DHRS7B: variants seen among roughly 807,000 people sequenced by gnomAD.
DHRS7B encodes the protein dehydrogenase/reductase 7B.
Under a neutral mutation model 26.4 loss-of-function variants are expected in DHRS7B, and 24 were observed. The ratio of observed to expected loss-of-function variants is 0.91; its 90% confidence interval spans 0.66 to 1.28. The LOEUF is 1.28. Ranked by LOEUF, DHRS7B falls within the 50% of genes most tolerant of loss-of-function variation. DHRS7B has a pLI of 0.00. For synonymous variants in DHRS7B, 142 were observed against 166.4 expected (o/e 0.85, Z 1.13); for missense variants, 368 against 419.4 (o/e 0.88, Z 1.07).
At chr17:21,161,260 A>AG in intron 1 of DHRS7B, among the ~76,000 whole-genome samples, 1 of 152,270 alleles carries the variant, frequency 6.6e-6, no homozygotes, top group African/African-American at 2.4e-5. Flanking sequence ...AACACCGGTG[A>AG]GGGATGTGGA....
intron 1 of DHRS7B, among the ~76,000 whole-genome samples, chr17:21,167,303 C>T (rs544679142): frequency 1.2e-4 from 19 of 152,234 alleles, no homozygotes; most frequent in African/African-American, 3.1e-4. Context: ...TCTGGCTGCC[C>T]GGGCCCAAGG....
At chr17:21,146,792 T>C (rs981785462) in intron 1 of DHRS7B, among the ~76,000 whole-genome samples, 5 of 152,228 alleles carry the variant, frequency 3.3e-5, no homozygotes, top group African/African-American at 1.2e-4. Flanking sequence ...GAAGATGTGG[T>C]TGGACAACTA....
chr17:21,164,371 T>C (rs1974065564), intron 1 of DHRS7B, among the ~76,000 whole-genome samples: 1 of 152,132 alleles, frequency 6.6e-6, no homozygotes, highest in Admixed American at 6.5e-5. Context: ...TGTAGATAGT[T>C]CCTCTTAGAT....
chr17:21,141,195 A>G (rs1443607003), intron 1 of DHRS7B, among the ~76,000 whole-genome samples: 1 of 151,934 alleles, frequency 6.6e-6, no homozygotes, highest in East Asian at 1.9e-4. Context: ...ACCCCCAGAC[A>G]CCCCCAGGAG....
intron 1 of DHRS7B, among the ~76,000 whole-genome samples, chr17:21,144,382 G>A (rs527755590): frequency 6.4e-4 from 97 of 152,136 alleles, no homozygotes; most frequent in Non-Finnish European, 1.2e-3. Flanking sequence ...CTCCAAATAA[G>A]TTGCTCCAAC....
At chr17:21,178,911 C>T (rs1284375688) in intron 3 of DHRS7B, among the ~76,000 whole-genome samples, 1 of 152,002 alleles carries the variant, frequency 6.6e-6, no homozygotes, top group Non-Finnish European at 1.5e-5. Flanking sequence ...CCTCAGCCTC[C>T]CAAAGTGCTG....
chr17:21,190,181 A>T (rs1212406919), intron 6 of DHRS7B, among the ~76,000 whole-genome samples: 1 of 151,566 alleles, frequency 6.6e-6, no homozygotes, highest in Non-Finnish European at 1.5e-5. Context: ...AAAAAAAAAA[A>T]GTGGTTTCAC....
chr17:21,156,889 T>C (rs1469747771), intron 1 of DHRS7B, among the ~76,000 whole-genome samples: 1 of 139,800 alleles, frequency 7.2e-6, no homozygotes, highest in East Asian at 2.0e-4. Context: ...CCAGCTAGGG[T>C]GACAAAAACA....
At position 21,168,661 on chromosome 17, in the gene DHRS7B, G is replaced by T. The variant is rs573715541; in HGVS notation, c.21-3357G>T. The T allele has an allele frequency of 1.4e-3, 1,311 of 959,470 alleles. 1 individual carries two copies. Among genetic ancestry groups the T allele is most frequent in the Non-Finnish European group, 1.5e-3 (1,243 of 806,376 alleles). 59.4% of individuals were successfully genotyped at this position (959,470 alleles called of 1,614,324 possible). A position where few individuals can be genotyped will look rare whatever the true frequency, so the allele number is the denominator to read the frequency against. On this transcript the variant is annotated intron_variant, in intron 1 of 6. Coordinates refer to ENST00000395511, the MANE Select transcript of DHRS7B (RefSeq NM_015510.5). ...TGGAATTACAGGCGCGAGGCACTGC[G>T]TTTGGCCTTGGCACTGGCTTTTAAT...
At chr17:21,134,025 GA>G (rs1010767905) in intron 1 of DHRS7B, among the ~76,000 whole-genome samples, 34 of 144,088 alleles carry the variant, frequency 2.4e-4, no homozygotes, top group Admixed American at 6.9e-4. Flanking sequence ...AGGAAAAATG[GA>G]AAAAAAAAAG....
intron 1 of DHRS7B, among the ~76,000 whole-genome samples, chr17:21,162,544 C>T (rs985215921): frequency 6.6e-6 from 1 of 152,140 alleles, no homozygotes; most frequent in Non-Finnish European, 1.5e-5. Flanking sequence ...GAATAAAAGG[C>T]CAGACCCTCA....
At chr17:21,180,529 G>C (rs974221116) in intron 3 of DHRS7B, among the ~76,000 whole-genome samples, 5 of 152,026 alleles carry the variant, frequency 3.3e-5, no homozygotes, top group Non-Finnish European at 5.9e-5. Context: ...TCATTGAATG[G>C]GCATCCTTAC....
At chr17:21,171,940 A>T in intron 1 of DHRS7B, 78 bp from the exon 2 acceptor site, 1 of 1,552,112 alleles carries the variant, frequency 6.4e-7, no homozygotes, top group Non-Finnish European at 8.9e-7. Context: ...GATTCATATC[A>T]GATGAGAGGA....
intron 3 of DHRS7B, among the ~76,000 whole-genome samples, chr17:21,178,857 C>G (rs1974450650): frequency 6.6e-6 from 1 of 152,050 alleles, no homozygotes; most frequent in Non-Finnish European, 1.5e-5. Context: ...CGTGGTTTCA[C>G]CATATTGACC....
chr17:21,172,856 TTCCCCC>T (rs1408330450), intron 2 of DHRS7B, among the ~76,000 whole-genome samples: 1 of 152,232 alleles, frequency 6.6e-6, no homozygotes, highest in Middle Eastern at 3.2e-3. Flanking sequence ...AAAACCTGGG[TTCCCCC>T]TTCTCCCATT....
intron 2 of DHRS7B, among the ~76,000 whole-genome samples, chr17:21,175,038 C>T (rs560138408): frequency 2.6e-5 from 4 of 152,330 alleles, no homozygotes; most frequent in African/African-American, 9.6e-5. Context: ...CCAACCTCAC[C>T]TCCTTCAAAG....
intron 1 of DHRS7B, among the ~76,000 whole-genome samples, chr17:21,167,150 G>A (rs1974132307): frequency 6.6e-6 from 1 of 152,158 alleles, no homozygotes; most frequent in South Asian, 2.1e-4. Flanking sequence ...TTGATTTCTT[G>A]GTGATAGTCT....
In DHRS7B at chr17:21,163,570, A is replaced by T. The variant is rs777786985; in HGVS notation, c.21-8448A>T. On this transcript the variant is annotated intron_variant, in intron 1 of 6. Coordinates refer to ENST00000395511, the MANE Select transcript of DHRS7B (RefSeq NM_015510.5). ...TTTTAGTGGATGGAAAAGCAATATAAATGACCAGATTACCTAGGTGCTTAA... is the reference window on the plus strand; with the variant it reads ...TTTTAGTGGATGGAAAAGCAATATATATGACCAGATTACCTAGGTGCTTAA... Among the ~76,000 whole-genome samples the T allele has an allele frequency of 9.2e-4, 140 of 152,258 alleles. 2 individuals carry two copies. Among genetic ancestry groups the T allele is most frequent in the Non-Finnish European group, 2.9e-4 (20 of 68,020 alleles).
chr17:21,170,235 G>A (rs957791525), intron 1 of DHRS7B, among the ~76,000 whole-genome samples: 4 of 152,050 alleles, frequency 2.6e-5, no homozygotes, highest in African/African-American at 4.8e-5. Flanking sequence ...TCTTGGTCCC[G>A]TGCAGGACTC....
Sources: gnomAD v4.1 joint callset for allele counts (sites outside exome capture counted in the v4.1 genomes callset) on GRCh38, gnomAD v4.1.1 for gene constraint, MANE v1.5 for transcripts, NCBI Gene and HGNC (gene_info 2026-07-23, HGNC 2026-07-21) for gene names.